Variants in TSPAN10 observed in about 807,000 individuals in gnomAD.
TSPAN10 encodes tetraspanin-10.
In TSPAN10, 11 loss-of-function variants were observed where a neutral mutation model predicts 15.0. The ratio of observed to expected loss-of-function variants is 0.73; its 90% CI spans 0.46 to 1.21. The LOEUF (loss-of-function observed/expected upper bound fraction) is 1.21. TSPAN10 is among the 50% of genes most tolerant of loss of function. The pLI is 0.00. For synonymous variants in TSPAN10, 241 were observed against 226.2 expected, an observed-to-expected ratio of 1.07 and a Z score of -0.59; for missense variants, 486 against 470.6, an observed-to-expected ratio of 1.03 and a Z score of -0.30.
rs6420484 is a variant in TSPAN10 at position 81,645,371 on chromosome 17, A to G, written c.416A>G (p.Tyr139Cys). ...GTCAGCGCAGTGAGCCTGGCTGGCT[A>G]CCTGGGCGCCCTCTGTGAGAACACC... The change falls in exon 2 of 3, where the codon TAC (tyrosine) becomes TGC (cysteine). Residue 139 changes from tyrosine to cysteine, a missense_variant. Coordinates refer to ENST00000611590, the Ensembl canonical transcript of TSPAN10. 0.68 allele frequency: 1,083,710 copies of G among 1,593,118 alleles called. 375,681 individuals carry two copies. Among genetic ancestry groups the G allele is most frequent in the East Asian group, 1 (44,547 of 44,648 alleles).
chr17:81,639,621 GGCGCGGTGGCTCACGCCTGTCATCCCA>G (rs1445356376), upstream of TSPAN10, among the ~76,000 whole-genome samples: 18 of 151,826 alleles, frequency 1.2e-4, no homozygotes, highest in African/African-American at 2.2e-4. Context: ...GTCTTGGCCG[GGCGCGGTGGCTCACGCCTGTCATCCCA>G]GCGCGGTGGC....
intron 1 of TSPAN10, among the ~76,000 whole-genome samples, chr17:81,642,858 AC>A (rs748281624): frequency 1.7e-4 from 26 of 151,284 alleles, no homozygotes; most frequent in Admixed American, 5.3e-4. Flanking sequence ...GTGATAAATA[AC>A]CCTCCTCTGG....
chr17:81,638,126 T>C (rs1045150820), upstream of TSPAN10: 1 of 152,082 alleles, frequency 6.6e-6, no homozygotes, highest in African/African-American at 2.4e-5. Context: ...AGGGTGCCAC[T>C]GTAACTACCC....
intron 1 of TSPAN10, among the ~76,000 whole-genome samples, chr17:81,644,375 G>T (rs1232152305): frequency 4.7e-5 from 2 of 42,614 alleles, no homozygotes; most frequent in Admixed American, 3.4e-4. Flanking sequence ...CCTGTCCTCG[G>T]CAGCAGGGTC....
chr17:81,637,262 G>C (rs950458616), exon 1 of TSPAN10: 2 of 528,522 alleles, frequency 3.8e-6, no homozygotes, highest in East Asian at 3.3e-5. Flanking sequence ...ACTTCTGCTC[G>C]TCCTCGGAAA....
Position 81,647,894 on chromosome 17 carries a change from C to T in TSPAN10, c.675-7C>T, listed in dbSNP as rs765321139. On this transcript the variant is annotated splice_polypyrimidine_tract_variant and splice_region_variant and intron_variant, in intron 2 of 2. Transcript: ENST00000611590. ...CGCCAGAACTGACGATTCCATGCGC[C>T]TTGCAGGTACTTTAACTGCAGCTCC... The T allele has an allele frequency of 6.3e-6, 10 of 1,586,460 alleles. No homozygotes were observed. The Admixed American group carries it at 1.5e-4, about 24-fold the overall frequency.
chr17:81,643,329 C>CAT (rs1433307465), intron 1 of TSPAN10, among the ~76,000 whole-genome samples: 17 of 91,876 alleles, frequency 1.9e-4, no homozygotes, highest in African/African-American at 5.0e-4. Flanking sequence ...ATTACCGGGA[C>CAT]GGCCGGGCGC....
Position 81,647,600 on chromosome 17 carries a change from T to C in TSPAN10, c.675-301T>C, listed in dbSNP as rs2036271887. 44 of 642,816 alleles carry C rather than the reference T, an allele frequency of 6.8e-5. 1 individual carries two copies. The highest frequency in any genetic ancestry group is 6.4e-4 in the South Asian group (42 of 65,530). 39.8% of individuals were successfully genotyped at this position (642,816 alleles called of 1,614,324 possible). A position where few individuals can be genotyped will look rare whatever the true frequency, so the allele number is the denominator to read the frequency against. ...GCCTCTGCGGAGGGAGGTCCTCTTATCAATGCTTGTCTGTTCCCCCTTCAA... is the reference window on the plus strand; with the variant it reads ...GCCTCTGCGGAGGGAGGTCCTCTTACCAATGCTTGTCTGTTCCCCCTTCAA... On this transcript the variant is annotated intron_variant, in intron 2 of 2. Coordinates refer to ENST00000611590, the Ensembl canonical transcript of TSPAN10.
At chr17:81,641,857 A>G (rs2036180980), upstream of TSPAN10, among the ~76,000 whole-genome samples, 1 of 149,058 alleles carries the variant, frequency 6.7e-6, no homozygotes, top group African/African-American at 2.5e-5. Context: ...AGCCTGGGCA[A>G]CAAGAGCGAA....
At chr17:81,640,474 G>C (rs756493448), upstream of TSPAN10, among the ~76,000 whole-genome samples, 4 of 152,064 alleles carry the variant, frequency 2.6e-5, no homozygotes, top group Non-Finnish European at 5.9e-5. Context: ...TTTAGGGATG[G>C]AGTCTTGCTC....
upstream of TSPAN10, among the ~76,000 whole-genome samples, chr17:81,640,400 T>C (rs1231873206): frequency 6.6e-6 from 1 of 152,116 alleles, no homozygotes; most frequent in Non-Finnish European, 1.5e-5. Flanking sequence ...TGTCCCACCG[T>C]GTGTCCCAAT....
At chr17:81,638,578 C>G (rs766481614), upstream of TSPAN10, 1 of 152,350 alleles carries the variant, frequency 6.6e-6, no homozygotes, top group Non-Finnish European at 1.5e-5. Context: ...GGACTATAGA[C>G]GTGAGCCACC....
At chr17:81,648,366 G>A (rs7406522), downstream of TSPAN10, 6 of 1,170,794 alleles carry the variant, frequency 5.1e-6, no homozygotes, top group Non-Finnish European at 6.3e-6. Context: ...TAAAAAGCGC[G>A]GCCTGCGCCG....
At chr17:81,637,451 G>GT (rs57463122), upstream of TSPAN10, 9,041 of 607,090 alleles carry the variant, frequency 0.015, 6 homozygotes, top group Non-Finnish European at 0.019. Context: ...ACACCTTCAT[G>GT]TTTTTTTTTT....
exon 1 of TSPAN10, chr17:81,637,350 G>A: frequency 1.4e-6 from 1 of 696,210 alleles, no homozygotes; most frequent in Non-Finnish European, 2.6e-6. Flanking sequence ...CTACTGCTGC[G>A]TATTATAGCG....
intron 1 of TSPAN10, among the ~76,000 whole-genome samples, chr17:81,644,266 AG>A (rs1195483809): frequency 6.6e-6 from 1 of 151,914 alleles, no homozygotes; most frequent in Admixed American, 6.6e-5. Flanking sequence ...CCAGTGGGCC[AG>A]GGGGTCCCCT....
Position 81,645,431 on chromosome 17 carries a change from C to G in TSPAN10, c.476C>G (p.Ala159Gly), listed in dbSNP as rs1471653225. Residue 159 changes from alanine to glycine, a missense_variant, in exon 2 of 3, where the codon GCC becomes GGC. Physicochemically the swap from Ala to Gly is moderately conservative, Grantham distance 60. Transcript: ENST00000611590. ...CGTGGCTTCTCTGGGGGCATCCTTG[C>G]CTTCCTGGTGCTTGAGGCCGTGGCG... 1 of 1,602,522 alleles carries G rather than the reference C, an allele frequency of 6.2e-7. No homozygotes were observed. The highest frequency in any genetic ancestry group is 1.3e-5 in the African/African-American group (1 of 74,874).
chr17:81,644,063 G>A (rs1436860198), intron 1 of TSPAN10, among the ~76,000 whole-genome samples: 1 of 148,214 alleles, frequency 6.7e-6, no homozygotes, highest in Admixed American at 6.8e-5. Flanking sequence ...TGCTCAGGCT[G>A]GTCTCGAATT....
chr17:81,647,754 G>T, intron 2 of TSPAN10, 147 bp from the exon 4 acceptor site: 1 of 785,036 alleles, frequency 1.3e-6, no homozygotes, highest in Non-Finnish European at 2.1e-6. Context: ...GTGCAGGTGT[G>T]TGCGAATAGG....
Sources: gnomAD v4.1 joint callset for allele counts (sites outside exome capture counted in the v4.1 genomes callset) on GRCh38, gnomAD v4.1.1 for gene constraint, MANE v1.5 for transcripts, NCBI Gene and HGNC (gene_info 2026-07-23, HGNC 2026-07-21) for gene names.